The following PCDHGA3 variants were observed in gnomAD, a reference collection of about 807,000 sequenced individuals.
The protein encoded by PCDHGA3 is protocadherin gamma subfamily A, 3.
PCDHGA3 carries 40 observed loss-of-function variants against 58.5 expected under a neutral mutation model. That is an observed-to-expected ratio of 0.68 (90% CI 0.53 to 0.89). The LOEUF is 0.89. PCDHGA3 is among the 40% of genes least tolerant of loss of function. PCDHGA3 has a pLI of 0.00. For synonymous variants in PCDHGA3, 530 were observed against 525.7 expected (o/e 1.01, Z -0.11); for missense variants, 1,223 against 1,195.9 (o/e 1.02, Z -0.33).
chr5:141,492,106 C>T (rs1265796740), intron 1 of PCDHGA3, among the ~76,000 whole-genome samples: 2 of 152,238 alleles, frequency 1.3e-5, no homozygotes, highest in South Asian at 2.1e-4. Flanking sequence ...TGTAGATTTC[C>T]TCTTCGATTT....
chr5:141,375,608 T>G (rs1771640619), intron 1 of PCDHGA3: 1 of 1,614,000 alleles, frequency 6.2e-7, no homozygotes, highest in South Asian at 1.1e-5. Context: ...GTCCATCAAC[T>G]CCGACACTGG....
At chr5:141,405,186 G>T (rs762537440) in intron 1 of PCDHGA3, 2 of 1,612,892 alleles carry the variant, frequency 1.2e-6, no homozygotes, top group Non-Finnish European at 1.7e-6. Context: ...GGTGTAGATG[G>T]GGTTCGAGCT....
intron 1 of PCDHGA3, chr5:141,420,464 C>A: frequency 1.2e-6 from 1 of 801,488 alleles, no homozygotes; most frequent in South Asian, 4.0e-5. Flanking sequence ...TATTCAAAGA[C>A]ATTTTAAAGC....
At chr5:141,374,286 C>G (rs778269128) in intron 1 of PCDHGA3, 1 of 1,613,980 alleles carries the variant, frequency 6.2e-7, no homozygotes, top group East Asian at 2.2e-5. Flanking sequence ...CGCATCGTCT[C>G]CAGAGGTAGG....
rs998564450 is a variant in PCDHGA3 at position 141,401,627 on chromosome 5, G to T, written c.2424+55170G>T. The stretch of plus-strand genomic sequence containing the variant: ...AAAAAGACACCGGATTTGTCTTATC[G>T]TTTGGAGCTTTAAATATAAATGACT... On this transcript the variant is annotated intron_variant, in intron 1 of 3. Coordinates refer to ENST00000253812, the MANE Select transcript of PCDHGA3 (RefSeq NM_018916.4). Among the ~76,000 whole-genome samples the T allele has an allele frequency of 2.6e-5, 4 of 152,294 alleles. No homozygotes were observed. In the South Asian group the frequency reaches 8.3e-4, roughly 32 times the overall value.
intron 1 of PCDHGA3, chr5:141,384,161 C>T (rs1476096646): frequency 1.2e-6 from 2 of 1,613,520 alleles, no homozygotes; most frequent in Non-Finnish European, 1.7e-6. Flanking sequence ...TATAACATCA[C>T]ACTGAAAGCC....
At chr5:141,389,141 C>T (rs919430175) in intron 1 of PCDHGA3, 1 of 1,613,996 alleles carries the variant, frequency 6.2e-7, no homozygotes, top group Non-Finnish European at 8.5e-7. Flanking sequence ...ACAATATAAC[C>T]GTTACGGCAA....
rs61612330 is a variant in PCDHGA3, at chr5:141,454,796, A to ATTTTTTTTTTTT, written c.2425-39993_2425-39982dup. Among the ~76,000 whole-genome samples, 573 of 77,460 alleles carry ATTTTTTTTTTTT rather than the reference A, an allele frequency of 7.4e-3. 68 individuals carry two copies. Among genetic ancestry groups the ATTTTTTTTTTTT allele is most frequent in the Non-Finnish European group, 9.0e-3 (384 of 42,814 alleles). The allele number at this position is 77,460 out of a possible 152,430, so 50.8% of individuals were successfully genotyped here. A position where few individuals can be genotyped will look rare whatever the true frequency, so the allele number is the denominator to read the frequency against. On this transcript the variant is annotated intron_variant, in intron 1 of 3. Coordinates refer to ENST00000253812, the MANE Select transcript of PCDHGA3 (RefSeq NM_018916.4). ...AAGGAAATAATCCTCCATGGTTCTA[A>ATTTTTTTTTTTT]TTTTTTTTTTTTTTTTTTTTTTTTT...
In PCDHGA3 at chr5:141,485,979, C is replaced by G; in HGVS notation, c.2425-8828C>G. 1 of 1,614,182 alleles carries G rather than the reference C, an allele frequency of 6.2e-7. No individual in the cohort carries two copies. Among genetic ancestry groups the G allele is most frequent in the Non-Finnish European group, 8.5e-7 (1 of 1,180,022 alleles). On this transcript the variant is annotated intron_variant, in intron 1 of 3. Coordinates refer to ENST00000253812, the MANE Select transcript of PCDHGA3 (RefSeq NM_018916.4). The surrounding 1 kb of genome is among the most constrained non-coding windows in gnomAD (Gnocchi z 5.7). ...CTCATCCAGCTCAATGCCTCAGACC[C>G]GGACCTGGGTCCCAGTGGTAACGTC...
At chr5:141,395,578 G>A (rs2093281923) in intron 1 of PCDHGA3, 1 of 227,714 alleles carries the variant, frequency 4.4e-6, no homozygotes, top group East Asian at 9.3e-5. Flanking sequence ...GTGTGTGTGT[G>A]TGTGTGTGTG....
intron 1 of PCDHGA3, chr5:141,366,531 G>T (rs756742340): frequency 6.2e-7 from 1 of 1,614,152 alleles, no homozygotes; most frequent in Non-Finnish European, 8.5e-7. Context: ...AGGTTGGCGG[G>T]TGTGCCCGCC....
At chr5:141,419,584 C>T in intron 1 of PCDHGA3, 1 of 1,611,798 alleles carries the variant, frequency 6.2e-7, no homozygotes, top group Non-Finnish European at 8.5e-7. Context: ...CCGCGCTCTT[C>T]GACACAGTGC....
chr5:141,427,096 T>A, intron 1 of PCDHGA3: 1 of 458,056 alleles, frequency 2.2e-6, no homozygotes, highest in Non-Finnish European at 4.4e-6. Flanking sequence ...GATGAGGGTG[T>A]CAATGCGGAG....
chr5:141,352,831 T>C (rs1759121682), intron 1 of PCDHGA3: 1 of 744,462 alleles, frequency 1.3e-6, no homozygotes, highest in Non-Finnish European at 2.1e-6. Context: ...CTACTAAAAT[T>C]ACAAAAATTA....
intron 1 of PCDHGA3, among the ~76,000 whole-genome samples, chr5:141,407,447 G>A (rs1347838571): frequency 3.9e-5 from 6 of 152,260 alleles, no homozygotes; most frequent in African/African-American, 2.4e-5. Context: ...ACCAGAACAC[G>A]AGGCTCACCA....
chr5:141,487,438 G>A lies in PCDHGA3; in HGVS notation c.2425-7369G>A, dbSNP rs2154580826. 6 of 1,614,174 alleles carry A rather than the reference G, an allele frequency of 3.7e-6. No individual in the cohort carries two copies. Among genetic ancestry groups the A allele is most frequent in the East Asian group, 2.2e-5 (1 of 44,866 alleles). On this transcript the variant is annotated intron_variant, in intron 1 of 3. Transcript: ENST00000253812. This position sits in a 1 kb window ranked among gnomAD's most constrained non-coding sequence, Gnocchi z 5.0. The stretch of plus-strand genomic sequence containing the variant: ...ATGGGATCCTCCGAATCCAGCTAGG[G>A]TCAGATGACCCTATCAAGTTTGTTG...
chr5:141,386,228 G>A (rs2090502520), intron 1 of PCDHGA3, among the ~76,000 whole-genome samples: 1 of 152,100 alleles, frequency 6.6e-6, no homozygotes, highest in Non-Finnish European at 1.5e-5. Context: ...TAGGTCTACT[G>A]AAAAATTCAG....
intron 2 of PCDHGA3, among the ~76,000 whole-genome samples, chr5:141,499,182 C>T (rs980293990): frequency 5.3e-5 from 8 of 152,114 alleles, no homozygotes; most frequent in African/African-American, 1.7e-4. Flanking sequence ...GCCCAGCAAA[C>T]CATTTCCCCC....
chr5:141,505,509 G>A (rs778054090), intron 3 of PCDHGA3, 28 bp downstream of exon 3: 1 of 1,613,940 alleles, frequency 6.2e-7, no homozygotes, highest in Non-Finnish European at 8.5e-7. Context: ...GTGTATGGAA[G>A]AGTGGGAGAC....
Sources: allele counts gnomAD v4.1 joint callset (sites outside exome capture counted in the v4.1 genomes callset), GRCh38; gene constraint gnomAD v4.1.1; non-coding constraint Gnocchi (gnomAD v3.1); transcripts MANE v1.5; gene names NCBI Gene and HGNC (gene_info 2026-07-23, HGNC 2026-07-21).